IKBKB: variants seen among roughly 807,000 people sequenced by gnomAD.
The protein encoded by IKBKB is inhibitor of nuclear factor kappa-B kinase subunit beta.
Under a neutral mutation model 113.6 loss-of-function variants are expected in IKBKB, and 42 were observed. The observed-to-expected ratio is 0.37, with a 90% CI of 0.29 to 0.48. The LOEUF is 0.48. Ranked by LOEUF, IKBKB falls within the 20% of genes least tolerant of loss-of-function variation. The probability of loss-of-function intolerance (pLI) is 0.99; values close to 1 mark genes in which losing one functional copy is unlikely to be tolerated. For synonymous variants in IKBKB, 296 were observed against 361.3 expected (o/e 0.82, Z 2.05); for missense variants, 673 against 939.7 (o/e 0.72, Z 3.71).
chr8:42,273,573 T>G (rs1808281994), intron 2 of IKBKB, among the ~76,000 whole-genome samples: 1 of 152,038 alleles, frequency 6.6e-6, no homozygotes, highest in African/African-American at 2.4e-5. Context: ...ATAATTAACA[T>G]TTTTTTAAAT....
At chr8:42,306,887 G>A (rs546769986) in intron 7 of IKBKB, among the ~76,000 whole-genome samples, 3 of 152,146 alleles carry the variant, frequency 2.0e-5, no homozygotes, top group African/African-American at 2.4e-5. Flanking sequence ...CTTTGTTTAC[G>A]TTATTTGGTC....
chr8:42,303,120 TGAGAGAGAGA>T (rs1021302959), intron 5 of IKBKB, among the ~76,000 whole-genome samples: 1 of 63,734 alleles, frequency 1.6e-5, no homozygotes, highest in Non-Finnish European at 3.2e-5. Flanking sequence ...AGAGAGAGAA[TGAGAGAGAGA>T]GAGAGAGGAG....
chr8:42,317,543 G>A (rs1818929834), intron 11 of IKBKB, 114 bp from the exon 12 acceptor site: 3 of 720,646 alleles, frequency 4.2e-6, no homozygotes, highest in African/African-American at 3.5e-5. Flanking sequence ...CTACTTGCTG[G>A]CTGAAGATGA....
In IKBKB at chr8:42,295,019, T is replaced by A. The variant is rs111820189; in HGVS notation, c.388+1507T>A. 5.2e-3 allele frequency among the ~76,000 whole-genome samples: 797 copies of A among 152,038 alleles called. 3 individuals carry two copies. The highest frequency in any genetic ancestry group is 8.0e-3 in the Non-Finnish European group (546 of 67,930). ...TTGTTTCTCTTTGGTTAAAGCTTTG[T>A]CAAGTTATTATTTTTTTTTTGGATG... On this transcript the variant is annotated intron_variant, in intron 5 of 21. Transcript: ENST00000520810.
intron 2 of IKBKB, among the ~76,000 whole-genome samples, chr8:42,283,459 C>T (rs115374320): frequency 0.02 from 3,092 of 152,204 alleles, 109 homozygotes; most frequent in African/African-American, 0.071. Flanking sequence ...CAGTGTAATC[C>T]CAAGGGTTCT....
chr8:42,309,292 C>T (rs1817225125), intron 8 of IKBKB, among the ~76,000 whole-genome samples: 1 of 152,198 alleles, frequency 6.6e-6, no homozygotes, highest in Non-Finnish European at 1.5e-5. Flanking sequence ...GTCATCTGCT[C>T]TGTGTTCAGA....
intron 19 of IKBKB, among the ~76,000 whole-genome samples, chr8:42,323,568 G>A (rs1233088109): frequency 6.6e-6 from 1 of 152,200 alleles, no homozygotes; most frequent in Non-Finnish European, 1.5e-5. Context: ...TAAGAGCAAA[G>A]GGAAGGAGAG....
Position 42,322,411 on chromosome 8 carries a change from T to C in IKBKB, c.1903T>C (p.Leu635=). 1.2e-6 allele frequency: 2 copies of C among 1,613,882 alleles called. No homozygotes were observed. The highest frequency in any genetic ancestry group is 1.1e-5 in the South Asian group (1 of 91,060). The change falls in exon 19 of 22, where the codon TTA becomes CTA. Residue 635 remains leucine, a synonymous_variant. Transcript: ENST00000520810. The part of the protein sequence containing the change: ...LLPKVEEVVS[L]MNEDEKTVVR... Reference sequence around the variant, plus strand: ...GCCCAAGGTGGAAGAGGTGGTGAGCTTAATGAATGAGGATGAGAAGACTGT... The same window carrying C: ...GCCCAAGGTGGAAGAGGTGGTGAGCCTAATGAATGAGGATGAGAAGACTGT...
intron 5 of IKBKB, among the ~76,000 whole-genome samples, chr8:42,303,379 C>G (rs891512054): frequency 5.9e-5 from 9 of 152,106 alleles, no homozygotes; most frequent in African/African-American, 2.2e-4. Flanking sequence ...TAATGACTGT[C>G]TGTTTCTAAT....
At chr8:42,322,316 G>A in intron 18 of IKBKB, 31 bp from the exon 19 acceptor site, 1 of 1,613,538 alleles carries the variant, frequency 6.2e-7, no homozygotes, top group Non-Finnish European at 8.5e-7. Context: ...CAGCCCAAAT[G>A]CCATTAGTTT....
chr8:42,284,009 G>A (rs533558816), intron 2 of IKBKB, among the ~76,000 whole-genome samples: 25 of 152,270 alleles, frequency 1.6e-4, no homozygotes, highest in Admixed American at 7.8e-4. Flanking sequence ...GGAACCCTGC[G>A]TTCCCCACGT....
Position 42,288,635 on chromosome 8 carries a change from A to C in IKBKB, c.107A>C (p.Glu36Ala). 1 of 1,608,900 alleles carries C rather than the reference A, an allele frequency of 6.2e-7. No homozygotes were observed. Among genetic ancestry groups the C allele is most frequent in the Non-Finnish European group, 8.5e-7 (1 of 1,177,418 alleles). Reference protein sequence around the residue: ...FGNVIRWHNQETGEQIAIKQC... With the variant: ...FGNVIRWHNQATGEQIAIKQC... ...GTCCCCACTGTGCTGTTTCTGTAGG[A>C]AACAGGTGAGCAGATTGCCATCAAG... Residue 36 changes from glutamate (E) to alanine (A), a missense_variant and splice_region_variant, in exon 3 of 22, where the codon GAA becomes GCA. By Grantham distance (107) the Glu-to-Ala change is moderately radical. Transcript: ENST00000520810.
intron 8 of IKBKB, among the ~76,000 whole-genome samples, chr8:42,310,201 A>G (rs1322461901): frequency 1.3e-5 from 2 of 152,254 alleles, no homozygotes; most frequent in Non-Finnish European, 2.9e-5. Flanking sequence ...ACACTAGTTT[A>G]AATGATGCTA....
At chr8:42,277,633 C>T (rs1006444460) in intron 2 of IKBKB, among the ~76,000 whole-genome samples, 1 of 152,178 alleles carries the variant, frequency 6.6e-6, no homozygotes, top group Non-Finnish European at 1.5e-5. Flanking sequence ...GACAGGCCTC[C>T]CCCTCCTCCA....
chr8:42,317,615 G>T (rs1363875553), intron 11 of IKBKB, 42 bp from the exon 12 acceptor site: 1 of 1,279,540 alleles, frequency 7.8e-7, no homozygotes, highest in South Asian at 1.2e-5. Context: ...GAAAAGAGAG[G>T]GTTGGATCCA....
At position 42,293,496 on chromosome 8, in the gene IKBKB, C is replaced by T. The variant is rs1813078610; in HGVS notation, c.372C>T (p.Thr124=). Residue 124 remains threonine, a synonymous_variant, in exon 5 of 22, where the codon ACC becomes ACT. Transcript: ENST00000520810. ...CCGLREGAIL[T]LLSDIASALR... ...GTCTGCGGGAAGGTGCCATCCTCAC[C>T]TTGCTGAGTGACATTGGTAAATCCC... 6.2e-7 allele frequency: 1 copy of T among 1,614,192 alleles called. No homozygotes were observed. Among genetic ancestry groups the T allele is most frequent in the Non-Finnish European group, 8.5e-7 (1 of 1,180,010 alleles).
At chr8:42,299,087 T>G (rs1049693984) in intron 5 of IKBKB, among the ~76,000 whole-genome samples, 2 of 152,214 alleles carry the variant, frequency 1.3e-5, no homozygotes, top group African/African-American at 4.8e-5. Flanking sequence ...CAGGTCTTTC[T>G]TCCAAAGTCA....
intron 8 of IKBKB, among the ~76,000 whole-genome samples, chr8:42,313,369 T>C (rs1818087400): frequency 6.6e-6 from 1 of 152,106 alleles, no homozygotes; most frequent in South Asian, 2.1e-4. Flanking sequence ...GAGGATTGCT[T>C]GAGCCTACAA....
At chr8:42,300,396 C>G (rs1238442063) in intron 5 of IKBKB, among the ~76,000 whole-genome samples, 1 of 152,214 alleles carries the variant, frequency 6.6e-6, no homozygotes, top group Non-Finnish European at 1.5e-5. Context: ...TGGACCATTT[C>G]TCTTTCCACC....
Sources: allele counts gnomAD v4.1 joint callset (sites outside exome capture counted in the v4.1 genomes callset), GRCh38; gene constraint gnomAD v4.1.1; transcripts MANE v1.5; gene names NCBI Gene and HGNC (gene_info 2026-07-23, HGNC 2026-07-21).